NLGN4Y: variants seen among roughly 807,000 people sequenced by gnomAD.
NLGN4Y encodes the protein neuroligin 4 Y-linked.
Under a neutral mutation model 8.4 loss-of-function variants are expected in NLGN4Y, and 4 were observed. The ratio of observed to expected loss-of-function variants is 0.48; its 90% CI spans 0.23 to 1.09. The LOEUF (loss-of-function observed/expected upper bound fraction) is 1.09. Ranked by LOEUF, NLGN4Y falls within the 50% of genes least tolerant of loss-of-function variation. NLGN4Y has a pLI of 0.19. For missense variants in NLGN4Y, 90 were observed against 192.3 expected, an observed-to-expected ratio of 0.47 and a Z score of 3.15; for synonymous variants, 35 against 75.6, an observed-to-expected ratio of 0.46 and a Z score of 2.78.
chrY:14,591,212 T>C (rs2080370395), intron 1 of NLGN4Y, among the ~76,000 whole-genome samples: 1 of 32,852 alleles, frequency 3.0e-5, no homozygotes, highest in Non-Finnish European at 7.4e-5. Context: ...ACATTCCACA[T>C]AAGAAGAATA....
At chrY:14,833,270 A>G in intron 6 of NLGN4Y, among the ~76,000 whole-genome samples, 1 of 33,087 alleles carries the variant, frequency 3.0e-5, no homozygotes, top group Non-Finnish European at 7.4e-5. Flanking sequence ...TTAAACGCAC[A>G]TGTTCTACAA....
At chrY:14,797,298 C>CT (rs2043015538) in intron 4 of NLGN4Y, among the ~76,000 whole-genome samples, 85 of 23,669 alleles carry the variant, frequency 3.6e-3, no homozygotes, top group East Asian at 0.019. Flanking sequence ...TTTTTCTTTT[C>CT]TTTTTTTTTT....
chrY:14,701,955 A>G, intron 2 of NLGN4Y, among the ~76,000 whole-genome samples: 1 of 32,586 alleles, frequency 3.1e-5, no homozygotes, highest in Non-Finnish European at 7.5e-5. Context: ...ATAGGTATTT[A>G]TCCCTTAAGA....
intron 2 of NLGN4Y, among the ~76,000 whole-genome samples, chrY:14,664,325 C>T (rs1603502289): frequency 3.0e-5 from 1 of 32,904 alleles, no homozygotes; most frequent in East Asian, 8.1e-4. Flanking sequence ...TGCCAACTGT[C>T]CCTGGGTAGA....
intron 4 of NLGN4Y, among the ~76,000 whole-genome samples, chrY:14,756,777 A>C (rs2081059569): frequency 4.3e-5 from 1 of 23,476 alleles, no homozygotes; most frequent in Admixed American, 5.0e-4. Flanking sequence ...AATATATATT[A>C]AATTAATTAA....
intron 2 of NLGN4Y, among the ~76,000 whole-genome samples, chrY:14,678,725 T>C (rs2080758290): frequency 1.2e-4 from 4 of 33,484 alleles, no homozygotes; most frequent in African/African-American, 4.7e-4. Flanking sequence ...GCAGGCTAGC[T>C]TACCGGAAAA....
intron 1 of NLGN4Y, among the ~76,000 whole-genome samples, chrY:14,571,855 A>G: frequency 3.1e-5 from 1 of 32,557 alleles, no homozygotes; most frequent in South Asian, 7.1e-4. Context: ...TAAATAGGGA[A>G]TCCTTTCCCC....
At position 14,678,270 on chromosome Y, in the gene NLGN4Y, C is replaced by T. The variant is rs770323138; in HGVS notation, c.473-41189C>T. Among the ~76,000 whole-genome samples the T allele has an allele frequency of 6.4e-4, 21 of 32,750 alleles. No homozygotes were observed. The South Asian group carries it at 0.014, about 22-fold the overall frequency. 87.9% of individuals were successfully genotyped at this position (32,750 alleles called of 37,273 possible). ...GGTGTGTTAATTGTTGAGAATGTAA[C>T]AGAAAATAAGATATGAATGGTCTAA... On this transcript the variant is annotated intron_variant, in intron 2 of 6. Transcript: ENST00000684976.
chrY:14,672,098 C>A (rs2080713012), intron 2 of NLGN4Y, among the ~76,000 whole-genome samples: 1 of 33,137 alleles, frequency 3.0e-5, no homozygotes. Flanking sequence ...TTTTTTGTTA[C>A]ATTTCCTATT....
intron 2 of NLGN4Y, among the ~76,000 whole-genome samples, chrY:14,644,651 A>G: frequency 3.0e-5 from 1 of 33,199 alleles, no homozygotes. Context: ...GTGTTTATCT[A>G]AAAGGGGGTC....
chrY:14,682,158 C>T, intron 2 of NLGN4Y, among the ~76,000 whole-genome samples: 1 of 33,485 alleles, frequency 3.0e-5, no homozygotes, highest in African/African-American at 1.2e-4. Context: ...GCAGTGATAA[C>T]ATCTAACGTG....
At chrY:14,646,587 C>T in intron 2 of NLGN4Y, among the ~76,000 whole-genome samples, 1 of 33,585 alleles carries the variant, frequency 3.0e-5, no homozygotes, top group Non-Finnish European at 7.4e-5. Context: ...TAACTAAGAG[C>T]AATTTTGGAC....
intron 4 of NLGN4Y, among the ~76,000 whole-genome samples, chrY:14,730,987 ATGTGTGTG>A (rs1248863150): frequency 1.3e-4 from 2 of 15,731 alleles, no homozygotes; most frequent in East Asian, 1.9e-3. Context: ...GAACCAAATT[ATGTGTGTG>A]TGTGTGTGTG....
At chrY:14,538,320 T>C in intron 1 of NLGN4Y, among the ~76,000 whole-genome samples, 1 of 34,483 alleles carries the variant, frequency 2.9e-5, no homozygotes, top group African/African-American at 1.1e-4. Context: ...TATCCGCTTA[T>C]GTCAATTCAT....
intron 2 of NLGN4Y, among the ~76,000 whole-genome samples, chrY:14,666,632 G>C: frequency 6.1e-5 from 2 of 32,734 alleles, no homozygotes. Flanking sequence ...ATTGAATAAG[G>C]GAACATTGCT....
chrY:14,589,441 G>A (rs376432375), intron 1 of NLGN4Y, among the ~76,000 whole-genome samples: 112 of 31,435 alleles, frequency 3.6e-3, no homozygotes, highest in African/African-American at 0.013. Context: ...TAGACATAAA[G>A]GTTCTCCACG....
intron 4 of NLGN4Y, among the ~76,000 whole-genome samples, chrY:14,815,461 A>C: frequency 3.0e-5 from 1 of 33,103 alleles, no homozygotes; most frequent in Non-Finnish European, 7.5e-5. Context: ...GGAGGCCCTG[A>C]GAAGCAGACA....
At chrY:14,685,512 A>G in intron 2 of NLGN4Y, among the ~76,000 whole-genome samples, 4 of 32,972 alleles carry the variant, frequency 1.2e-4, no homozygotes, top group African/African-American at 4.7e-4. Context: ...CGTGAACACG[A>G]ATATGCGAAG....
chrY:14,691,690 T>A (rs2080810114), intron 2 of NLGN4Y, among the ~76,000 whole-genome samples: 1 of 33,344 alleles, frequency 3.0e-5, no homozygotes. Context: ...CTGAGAGGAT[T>A]TTTTTTCTCT....
Sources: allele counts gnomAD v4.1 joint callset (sites outside exome capture counted in the v4.1 genomes callset), GRCh38; gene constraint gnomAD v4.1.1; transcripts MANE v1.5; gene names NCBI Gene and HGNC (gene_info 2026-07-23, HGNC 2026-07-21).